Variants in DNM3 observed in about 807,000 individuals in gnomAD.
The protein encoded by DNM3 is dynamin-3.
In DNM3, 47 loss-of-function variants were observed where a neutral mutation model predicts 101.6. That is an observed-to-expected ratio of 0.46 (90% CI 0.37 to 0.59). The LOEUF (loss-of-function observed/expected upper bound fraction) is 0.59. DNM3 is among the 20% of genes least tolerant of loss of function. DNM3 has a pLI of 0.00. For synonymous variants in DNM3, 385 were observed against 387.9 expected (o/e 0.99, Z 0.09); for missense variants, 849 against 1,085.7 (o/e 0.78, Z 3.06).
intron 17 of DNM3, among the ~76,000 whole-genome samples, chr1:172,371,961 T>C (rs1009610469): frequency 1.3e-5 from 2 of 149,498 alleles, no homozygotes; most frequent in Non-Finnish European, 3.0e-5. Flanking sequence ...CATGTGCACA[T>C]TGTGCAGGTT....
At chr1:172,214,523 A>C (rs112288888) in intron 14 of DNM3, among the ~76,000 whole-genome samples, 1,615 of 145,506 alleles carry the variant, frequency 0.011, 23 homozygotes, top group African/African-American at 0.038. Flanking sequence ...CATCCCCCCC[A>C]CACACAAATA....
intron 18 of DNM3, among the ~76,000 whole-genome samples, chr1:172,381,186 CAGGATA>C (rs1331143140): frequency 5.3e-5 from 8 of 152,052 alleles, no homozygotes; most frequent in Non-Finnish European, 5.9e-5. Context: ...CCTCCACCTA[CAGGATA>C]TTATCCTCGG....
chr1:172,308,915 G>A (rs1457534698), intron 16 of DNM3, 76 bp downstream of exon 16: 4 of 794,362 alleles, frequency 5.0e-6, no homozygotes, highest in Non-Finnish European at 7.6e-6. Context: ...CATACCATAA[G>A]CTGGAGAAAC....
intron 11 of DNM3, among the ~76,000 whole-genome samples, chr1:172,076,448 G>T (rs1328183891): frequency 6.6e-6 from 1 of 152,194 alleles, no homozygotes; most frequent in Non-Finnish European, 1.5e-5. Context: ...TATTGGCCAT[G>T]AGTGTGTCAT....
intron 2 of DNM3, among the ~76,000 whole-genome samples, chr1:171,933,347 A>C (rs116588570): frequency 6.6e-6 from 1 of 152,148 alleles, no homozygotes; most frequent in Non-Finnish European, 1.5e-5. Context: ...TATAAGTATG[A>C]CTTCCTTTTG....
intron 14 of DNM3, among the ~76,000 whole-genome samples, chr1:172,136,378 T>G (rs2057229158): frequency 6.6e-6 from 1 of 152,166 alleles, no homozygotes; most frequent in Non-Finnish European, 1.5e-5. Flanking sequence ...ACTTATACTT[T>G]TAAGATTGTG....
At chr1:171,866,792 T>C (rs1277474918) in intron 1 of DNM3, among the ~76,000 whole-genome samples, 7 of 152,212 alleles carry the variant, frequency 4.6e-5, no homozygotes, top group Non-Finnish European at 7.3e-5. Context: ...TATGGCATCA[T>C]GTTATCTGGG....
chr1:172,335,521 T>C (rs2066380418), intron 17 of DNM3, among the ~76,000 whole-genome samples: 1 of 152,104 alleles, frequency 6.6e-6, no homozygotes, highest in Non-Finnish European at 1.5e-5. Context: ...TATTCACAAA[T>C]AGAAAGAAGA....
At chr1:172,368,818 A>C (rs2068166938) in intron 17 of DNM3, among the ~76,000 whole-genome samples, 1 of 151,958 alleles carries the variant, frequency 6.6e-6, no homozygotes, top group Non-Finnish European at 1.5e-5. Context: ...CTGATACTTC[A>C]GAAATACAAA....
rs541231920 is a variant in DNM3, at chr1:172,411,347, T to C, written c.*3506T>C. 2.0e-6 allele frequency: 2 copies of C among 985,064 alleles called. No individual in the cohort carries two copies. The highest frequency in any genetic ancestry group is 3.5e-5 in the African/African-American group (2 of 57,344). 61.0% of individuals were successfully genotyped at this position (985,064 alleles called of 1,614,324 possible). On this transcript the variant is annotated 3_prime_UTR_variant, in exon 21 of 21. Coordinates refer to ENST00000627582, the MANE Select transcript of DNM3 (RefSeq NM_015569.5). Reference sequence around the variant, plus strand: ...ACATGGTAATGTCCATAGACATTTGTATCTGAATCCACAAGAAGATCTGAA... The same window carrying C: ...ACATGGTAATGTCCATAGACATTTGCATCTGAATCCACAAGAAGATCTGAA...
At chr1:172,168,927 T>C (rs531157512) in intron 14 of DNM3, among the ~76,000 whole-genome samples, 6 of 152,058 alleles carry the variant, frequency 3.9e-5, no homozygotes, top group African/African-American at 1.4e-4. Flanking sequence ...TTCTACTATG[T>C]TGTAAGAGGT....
At chr1:172,360,860 A>C (rs1284359866) in intron 17 of DNM3, among the ~76,000 whole-genome samples, 1 of 152,024 alleles carries the variant, frequency 6.6e-6, no homozygotes, top group Admixed American at 6.6e-5. Flanking sequence ...TTTAGGGCAA[A>C]TGAAAGGAAA....
intron 15 of DNM3, among the ~76,000 whole-genome samples, chr1:172,274,739 TAA>T (rs1557916153): frequency 1.2e-4 from 18 of 148,402 alleles, no homozygotes; most frequent in South Asian, 2.1e-4. Context: ...TTTTTTTTTT[TAA>T]TTTTCAATTA....
At chr1:171,951,070 A>T (rs556672776) in intron 2 of DNM3, among the ~76,000 whole-genome samples, 3 of 152,298 alleles carry the variant, frequency 2.0e-5, no homozygotes, top group Admixed American at 6.5e-5. Flanking sequence ...TAAAGACAAC[A>T]TGACTAATTA....
At chr1:172,302,677 C>T (rs969148670) in intron 15 of DNM3, among the ~76,000 whole-genome samples, 2 of 152,008 alleles carry the variant, frequency 1.3e-5, no homozygotes, top group East Asian at 1.9e-4. Flanking sequence ...TTCCAGAGGA[C>T]GGGTCAGACA....
chr1:172,158,053 A>G (rs907374198), intron 14 of DNM3, among the ~76,000 whole-genome samples: 1 of 152,052 alleles, frequency 6.6e-6, no homozygotes, highest in Non-Finnish European at 1.5e-5. Context: ...GAAAGAGAAT[A>G]GAAAATCTGG....
intron 4 of DNM3, among the ~76,000 whole-genome samples, chr1:172,022,895 C>A (rs2047943839): frequency 6.6e-6 from 1 of 152,092 alleles, no homozygotes; most frequent in East Asian, 1.9e-4. Flanking sequence ...CTAAAAGAAT[C>A]ATATTTTGCT....
At chr1:171,894,033 A>G (rs2037537225) in intron 1 of DNM3, among the ~76,000 whole-genome samples, 1 of 151,848 alleles carries the variant, frequency 6.6e-6, no homozygotes, top group South Asian at 2.1e-4. Context: ...CATGTCGGCC[A>G]GGATGGTCTC....
At chr1:171,961,571 A>G (rs937681427) in intron 2 of DNM3, among the ~76,000 whole-genome samples, 2 of 152,232 alleles carry the variant, frequency 1.3e-5, no homozygotes, top group Non-Finnish European at 2.9e-5. Context: ...ACAATTAACT[A>G]TAATATAATA....
Sources: gnomAD v4.1 joint callset for allele counts (sites outside exome capture counted in the v4.1 genomes callset) on GRCh38, gnomAD v4.1.1 for gene constraint, MANE v1.5 for transcripts, NCBI Gene and HGNC (gene_info 2026-07-23, HGNC 2026-07-21) for gene names.